The following CSMD1 variants were observed in gnomAD, a reference collection of about 807,000 sequenced individuals.
CSMD1 encodes CUB and Sushi multiple domains 1, also known as CUB and sushi domain-containing protein 1.
CSMD1 carries 213 observed loss-of-function variants against 417.5 expected under a neutral mutation model. The observed-to-expected ratio is 0.51, with a 90% CI of 0.46 to 0.57. The LOEUF (loss-of-function observed/expected upper bound fraction) is 0.57. CSMD1 is among the 20% of genes least tolerant of loss of function. CSMD1 has a pLI of 0.00. For missense variants in CSMD1, 6,923 were observed against 4,529.7 expected, an observed-to-expected ratio of 1.53 and a Z score of -15.17; for synonymous variants, 2,862 against 1,736.8, an observed-to-expected ratio of 1.65 and a Z score of -16.11.
At chr8:2,995,817 A>G (rs542809837) in intron 54 of CSMD1, among the ~76,000 whole-genome samples, 1 of 152,326 alleles carries the variant, frequency 6.6e-6, no homozygotes, top group East Asian at 1.9e-4. Flanking sequence ...ACACCACATG[A>G]TTTCATTCAT....
rs60925117 is a variant in CSMD1 at position 4,364,824 on chromosome 8, C to CAAAAAA, written c.415+55123_415+55128dup. ...TGCGCGACAGAGCGAGACTCCTTCTCAAAAAAAAAAAAAAAAAAAAAAAAA... is the reference window on the plus strand; with the variant it reads ...TGCGCGACAGAGCGAGACTCCTTCTCAAAAAAAAAAAAAAAAAAAAAAAAAAAAAAA... On this transcript the variant is annotated intron_variant, in intron 3 of 69. Coordinates refer to ENST00000635120, the MANE Select transcript of CSMD1 (RefSeq NM_033225.6). Among the ~76,000 whole-genome samples the CAAAAAA allele has an allele frequency of 1.4e-4, 12 of 84,918 alleles. 5 individuals carry two copies. Among genetic ancestry groups the CAAAAAA allele is most frequent in the Non-Finnish European group, 2.8e-4 (10 of 35,210 alleles). 55.7% of individuals were successfully genotyped at this position (84,918 alleles called of 152,430 possible). A position where few individuals can be genotyped will look rare whatever the true frequency, so the allele number is the denominator to read the frequency against.
intron 10 of CSMD1, among the ~76,000 whole-genome samples, chr8:3,571,610 G>C (rs1179705406): frequency 6.6e-6 from 1 of 152,036 alleles, no homozygotes; most frequent in Non-Finnish European, 1.5e-5. Flanking sequence ...GCTGCAGGGG[G>C]AAGCCTGCAG....
intron 30 of CSMD1, among the ~76,000 whole-genome samples, chr8:3,208,523 C>T (rs1797430944): frequency 6.6e-6 from 1 of 152,134 alleles, no homozygotes; most frequent in Non-Finnish European, 1.5e-5. Context: ...CCTCGGCCTC[C>T]CAAGGTGCTG....
intron 5 of CSMD1, among the ~76,000 whole-genome samples, chr8:3,938,137 T>C (rs1810630984): frequency 6.6e-6 from 1 of 152,148 alleles, no homozygotes; most frequent in Admixed American, 6.6e-5. Flanking sequence ...TGTAAATAAA[T>C]ATTTTATTAA....
At chr8:3,382,699 T>G (rs1277967864) in intron 18 of CSMD1, among the ~76,000 whole-genome samples, 1 of 150,660 alleles carries the variant, frequency 6.6e-6, no homozygotes, top group Non-Finnish European at 1.5e-5. Context: ...ATCTGTTGGC[T>G]TATTAGTGTT....
chr8:4,234,801 A>G (rs758674200), intron 3 of CSMD1, among the ~76,000 whole-genome samples: 1 of 152,078 alleles, frequency 6.6e-6, no homozygotes, highest in Non-Finnish European at 1.5e-5. Context: ...TAATCATGAG[A>G]AACTGGTGGT....
At chr8:3,968,867 C>G (rs1202301670) in intron 5 of CSMD1, among the ~76,000 whole-genome samples, 2 of 152,194 alleles carry the variant, frequency 1.3e-5, no homozygotes, top group African/African-American at 4.8e-5. Flanking sequence ...CACACATCAT[C>G]TTTTCTTGCA....
At chr8:3,503,003 C>A (rs577880224) in intron 10 of CSMD1, among the ~76,000 whole-genome samples, 1 of 151,948 alleles carries the variant, frequency 6.6e-6, no homozygotes, top group African/African-American at 2.4e-5. Flanking sequence ...GCAGGGGGTA[C>A]GGGGAAACTA....
At chr8:3,941,329 A>G (rs1294919387) in intron 5 of CSMD1, among the ~76,000 whole-genome samples, 5 of 152,134 alleles carry the variant, frequency 3.3e-5, no homozygotes, top group Non-Finnish European at 7.4e-5. Context: ...TATGCCATTT[A>G]CAACTTTTCT....
At chr8:4,949,853 A>G (rs563180896) in intron 1 of CSMD1, among the ~76,000 whole-genome samples, 5 of 152,376 alleles carry the variant, frequency 3.3e-5, no homozygotes, top group African/African-American at 7.2e-5. Flanking sequence ...GAGAGAATAT[A>G]TAAGGTTAGT....
Position 2,966,559 on chromosome 8 carries a change from T to G in CSMD1, c.9100+11A>C. ...TAACGTCTGAGTCTACCATGATGTC[T>G]GCTTACTAACTTGTGCAGTCGGGAG... On this transcript the variant is annotated intron_variant, in intron 58 of 69. Transcript: ENST00000635120. 1 of 1,610,834 alleles carries G rather than the reference T, an allele frequency of 6.2e-7. No homozygotes were observed. Among genetic ancestry groups the G allele is most frequent in the Non-Finnish European group, 8.5e-7 (1 of 1,177,504 alleles).
At chr8:3,725,831 C>T (rs1482392148) in intron 6 of CSMD1, among the ~76,000 whole-genome samples, 5 of 152,112 alleles carry the variant, frequency 3.3e-5, no homozygotes, top group African/African-American at 9.7e-5. Context: ...GTATCTCAAC[C>T]CATGTATTCC....
chr8:3,634,679 A>G (rs1287238692), intron 7 of CSMD1, among the ~76,000 whole-genome samples: 2 of 152,106 alleles, frequency 1.3e-5, no homozygotes, highest in Non-Finnish European at 2.9e-5. Flanking sequence ...ACATCCAACA[A>G]ATGAAATGAA....
At position 4,056,914 on chromosome 8, in the gene CSMD1, C is replaced by A. The variant is rs549874209; in HGVS notation, c.416-24815G>T. The stretch of plus-strand genomic sequence containing the variant: ...TATTCCATAGAGTATATGTGCCACA[C>A]TTTCTTAATCCAGTTTATCACTGTT... On this transcript the variant is annotated intron_variant, in intron 3 of 69. Transcript: ENST00000635120. Among the ~76,000 whole-genome samples the A allele has an allele frequency of 1.3e-4, 20 of 152,252 alleles. No individual in the cohort carries two copies. In the South Asian group the frequency reaches 3.5e-3, roughly 27 times the overall value.
At chr8:3,204,670 G>C (rs539697459) in intron 31 of CSMD1, among the ~76,000 whole-genome samples, 1 of 152,174 alleles carries the variant, frequency 6.6e-6, no homozygotes, top group African/African-American at 2.4e-5. Context: ...CTTGTCACAT[G>C]TTAAAAATGC....
At chr8:3,122,136 T>C (rs957840891) in intron 41 of CSMD1, among the ~76,000 whole-genome samples, 8 of 152,150 alleles carry the variant, frequency 5.3e-5, no homozygotes, top group African/African-American at 1.9e-4. Context: ...TCTTTTGAGA[T>C]GTAATCTTTA....
At chr8:3,333,878 C>T (rs940290756) in intron 23 of CSMD1, among the ~76,000 whole-genome samples, 1 of 152,104 alleles carries the variant, frequency 6.6e-6, no homozygotes, top group African/African-American at 2.4e-5. Context: ...CACATCACAA[C>T]CAAGAATGTC....
chr8:3,140,511 C>G (rs954712269), intron 41 of CSMD1, among the ~76,000 whole-genome samples: 1 of 152,144 alleles, frequency 6.6e-6, no homozygotes, highest in African/African-American at 2.4e-5. Flanking sequence ...CTGGTTTAGT[C>G]TCCAGTTTCC....
chr8:4,935,917 T>G (rs908999909), intron 1 of CSMD1, among the ~76,000 whole-genome samples: 14 of 152,220 alleles, frequency 9.2e-5, no homozygotes, highest in African/African-American at 2.9e-4. Flanking sequence ...AGGATGCTCC[T>G]GGATGCCACG....
Sources: gnomAD v4.1 joint callset for allele counts (sites outside exome capture counted in the v4.1 genomes callset) on GRCh38, gnomAD v4.1.1 for gene constraint, MANE v1.5 for transcripts, NCBI Gene and HGNC (gene_info 2026-07-23, HGNC 2026-07-21) for gene names.